OTUD1: variants seen among roughly 807,000 people sequenced by gnomAD.
OTUD1 encodes the protein OTU domain-containing protein 1.
OTUD1 carries 15 observed loss-of-function variants against 30.0 expected under a neutral mutation model. That is an observed-to-expected ratio of 0.50 (90% CI 0.33 to 0.77). The LOEUF is 0.77. Ranked by LOEUF, OTUD1 falls within the 30% of genes least tolerant of loss-of-function variation. The probability of loss-of-function intolerance (pLI) is 0.02; values close to 1 mark genes in which losing one functional copy is unlikely to be tolerated. For synonymous variants in OTUD1, 381 were observed against 326.3 expected (o/e 1.17, Z -1.81); for missense variants, 796 against 697.8 (o/e 1.14, Z -1.59).
In OTUD1 at chr10:23,440,842, T is replaced by G. The variant is rs1367742950; in HGVS notation, c.1385T>G (p.Leu462Arg). 1.3e-6 allele frequency: 2 copies of G among 1,551,930 alleles called. No homozygotes were observed. The highest frequency in any genetic ancestry group is 1.2e-5 in the South Asian group (1 of 84,074). The change falls in exon 1 of 1, where the codon CTT becomes CGT. Residue 462 changes from leucine to arginine, a missense_variant. Physicochemically the swap from Leu to Arg is moderately radical, Grantham distance 102. Transcript: ENST00000376495. ...TQVQRKRDEE[L>R]AKSMAISLSK... ...GTGCAAAGGAAACGCGACGAAGAAC[T>G]TGCCAAATCTATGGCCATATCCTTG...
rs2132481442 is a variant in OTUD1 at position 23,441,533 on chromosome 10, C to T, written c.*630C>T. 1 of 165,928 alleles carries T rather than the reference C, an allele frequency of 6.0e-6. No individual in the cohort carries two copies. The highest frequency in any genetic ancestry group is 2.4e-5 in the African/African-American group (1 of 41,294). 10.3% of individuals were successfully genotyped at this position (165,928 alleles called of 1,614,324 possible). ...ATGGCGAATCTTTTAAAGAAAATTA[C>T]TTAATGGAAGGTTGTGGGAAGGTGT... is the stretch of plus-strand genomic sequence containing the variant. On this transcript the variant is annotated 3_prime_UTR_variant, in exon 1 of 1. Transcript: ENST00000376495.
Position 23,440,232 on chromosome 10 carries a change from G to T in OTUD1, c.775G>T (p.Ala259Ser), listed in dbSNP as rs1847112771. The T allele has an allele frequency of 6.5e-7, 1 of 1,537,162 alleles. No individual in the cohort carries two copies. The highest frequency in any genetic ancestry group is 8.8e-7 in the Non-Finnish European group (1 of 1,137,978). ...CGCGGCGCGGAGGCCCGACCCAGAG[G>T]CCGAGGCACCCCCCGCCGGGAGCAT... ...GDAARRPDPE[A>S]EAPPAGSIEA... is the part of the protein sequence containing the mutation. The change falls in exon 1 of 1, where the codon GCC becomes TCC. Residue 259 changes from alanine to serine, a missense_variant. Coordinates refer to ENST00000376495, the MANE Select transcript of OTUD1 (RefSeq NM_001145373.3).
Position 23,439,901 on chromosome 10 carries a change from G to C in OTUD1, c.444G>C (p.Leu148=), listed in dbSNP as rs117004549. 8.6e-3 allele frequency: 10,260 copies of C among 1,198,450 alleles called. 1,271 individuals are homozygous for C. The East Asian group carries it at 0.29, about 33-fold the overall frequency. The allele number at this position is 1,198,450 out of a possible 1,614,324, so 74.2% of individuals were successfully genotyped here. The part of the protein sequence containing the change: ...SAAAPRGRCL[L]LAPAPAAPVP... ...CTGCCCCGCGCGGCCGCTGCCTCCT[G>C]CTCGCCCCGGCGCCCGCAGCCCCGG... The change falls in exon 1 of 1, where the codon CTG becomes CTC. Residue 148 remains leucine, a synonymous_variant. Coordinates refer to ENST00000376495, the MANE Select transcript of OTUD1 (RefSeq NM_001145373.3).
chr10:23,439,607 C>G lies in OTUD1; in HGVS notation c.150C>G (p.Thr50=). The G allele has an allele frequency of 1.5e-6, 2 of 1,359,620 alleles. No individual in the cohort carries two copies. Among genetic ancestry groups the G allele is most frequent in the Non-Finnish European group, 1.9e-6 (2 of 1,051,226 alleles). 84.2% of individuals were successfully genotyped at this position (1,359,620 alleles called of 1,614,324 possible). A position where few individuals can be genotyped will look rare whatever the true frequency, so the allele number is the denominator to read the frequency against. ...GAAGAAPEPE[T]GECQPAAAAE... ...CCGGCGCCGCGCCCGAGCCCGAGAC[C>G]GGTGAGTGCCAGCCCGCCGCGGCCG... Residue 50 remains threonine, a synonymous_variant, in exon 1 of 1, where the codon ACC becomes ACG. Coordinates refer to ENST00000376495, the MANE Select transcript of OTUD1 (RefSeq NM_001145373.3).
In OTUD1 at chr10:23,440,234, C is replaced by G; in HGVS notation, c.777C>G (p.Ala259=). ...GDAARRPDPE[A]EAPPAGSIEA... ...CGGCGCGGAGGCCCGACCCAGAGGCCGAGGCACCCCCCGCCGGGAGCATCG... is the reference window on the plus strand; with the variant it reads ...CGGCGCGGAGGCCCGACCCAGAGGCGGAGGCACCCCCCGCCGGGAGCATCG... The change falls in exon 1 of 1, where the codon GCC becomes GCG. Residue 259 remains alanine, a synonymous_variant. Transcript: ENST00000376495. 2.6e-6 allele frequency: 4 copies of G among 1,537,608 alleles called. No homozygotes were observed. Among genetic ancestry groups the G allele is most frequent in the Admixed American group, 2.0e-5 (1 of 50,342 alleles).
Position 23,440,030 on chromosome 10 carries a change from G to T in OTUD1, c.573G>T (p.Arg191=). Residue 191 remains arginine (R), a synonymous_variant, in exon 1 of 1, where the codon CGG becomes CGT. Coordinates refer to ENST00000376495, the MANE Select transcript of OTUD1 (RefSeq NM_001145373.3). ...ACGCGACACGGGAGGGGCCCGATCG[G>T]AACTTCCGACTGAGCGAGCACCGCC... The part of the protein sequence containing the change: ...GLDATREGPD[R]NFRLSEHRQA... The T allele has an allele frequency of 3.5e-6, 5 of 1,448,320 alleles. No individual in the cohort carries two copies. Among genetic ancestry groups the T allele is most frequent in the Non-Finnish European group, 4.5e-6 (5 of 1,106,166 alleles). The allele number at this position is 1,448,320 out of a possible 1,614,324, so 89.7% of individuals were successfully genotyped here. A position where few individuals can be genotyped will look rare whatever the true frequency, so the allele number is the denominator to read the frequency against.
Position 23,440,138 on chromosome 10 carries a change from G to A in OTUD1, c.681G>A (p.Glu227=). ...CCGGCCCCGGTCCGTGGGGCGAAGA[G>A]CACTTGGCGGAGAGGGGCCCCAGGG... ...PDPGPGPWGE[E]HLAERGPRGW... The change falls in exon 1 of 1, where the codon GAG becomes GAA. Residue 227 remains glutamate, a synonymous_variant. Transcript: ENST00000376495. 7.0e-7 allele frequency: 1 copy of A among 1,437,898 alleles called. No homozygotes were observed. The highest frequency in any genetic ancestry group is 9.1e-7 in the Non-Finnish European group (1 of 1,103,186). The allele number at this position is 1,437,898 out of a possible 1,614,324, so 89.1% of individuals were successfully genotyped here.
chr10:23,440,331 C>A lies in OTUD1; in HGVS notation c.874C>A (p.Leu292Ile). 1 of 1,551,332 alleles carries A rather than the reference C, an allele frequency of 6.4e-7. No individual in the cohort carries two copies. The highest frequency in any genetic ancestry group is 8.7e-7 in the Non-Finnish European group (1 of 1,146,928). Residue 292 changes from leucine (L) to isoleucine (I), a missense_variant, in exon 1 of 1, where the codon CTA becomes ATA. Leu to Ile is a conservative substitution (Grantham distance 5). Coordinates refer to ENST00000376495, the MANE Select transcript of OTUD1 (RefSeq NM_001145373.3). ...RSDPRDEKLA[L>I]YLAEVEKQDK... ...GGATCCCAGAGACGAGAAGCTGGCC[C>A]TATACCTGGCCGAGGTGGAGAAGCA...
rs1489497055 is a variant in OTUD1, at chr10:23,439,738, G to A, written c.281G>A (p.Gly94Asp). 3.4e-6 allele frequency: 4 copies of A among 1,168,412 alleles called. No individual in the cohort carries two copies. The highest frequency in any genetic ancestry group is 3.3e-5 in the South Asian group (1 of 30,134). 72.4% of individuals were successfully genotyped at this position (1,168,412 alleles called of 1,614,324 possible). Residue 94 changes from glycine (G) to aspartate (D), a missense_variant, in exon 1 of 1, where the codon GGC (glycine) becomes GAC (aspartate). Gly to Asp is a moderately conservative substitution (Grantham distance 94, BLOSUM62 -1). Coordinates refer to ENST00000376495, the MANE Select transcript of OTUD1 (RefSeq NM_001145373.3). ...GAAAPASAAA[G>D]PPGASCKPPL... is the part of the protein sequence containing the mutation. ...GCCGCGCCCGCCTCCGCCGCCGCCGGCCCGCCCGGCGCGTCCTGCAAGCCG... is the reference window on the plus strand; with the variant it reads ...GCCGCGCCCGCCTCCGCCGCCGCCGACCCGCCCGGCGCGTCCTGCAAGCCG...
In OTUD1 at chr10:23,440,256, A is replaced by G; in HGVS notation, c.799A>G (p.Ile267Val). 1 of 1,544,480 alleles carries G rather than the reference A, an allele frequency of 6.5e-7. No individual in the cohort carries two copies. The highest frequency in any genetic ancestry group is 8.8e-7 in the Non-Finnish European group (1 of 1,142,380). Residue 267 changes from isoleucine (I) to valine (V), a missense_variant, in exon 1 of 1, where the codon ATC becomes GTC. Physicochemically the swap from Ile to Val is conservative, Grantham distance 29. Coordinates refer to ENST00000376495, the MANE Select transcript of OTUD1 (RefSeq NM_001145373.3). ...PEAEAPPAGS[I>V]EAAPSSAAEP... ...GGCCGAGGCACCCCCCGCCGGGAGC[A>G]TCGAGGCCGCCCCGAGTAGTGCGGC... is the stretch of plus-strand genomic sequence containing the variant.
rs1847097877 is a variant in OTUD1 at position 23,439,226 on chromosome 10, C to A, written c.-232C>A. ...GCGGGCCGAGCGCACCGGCAGGGGTCGAGCTCGCGTCCCGTCCCCGCCCCC... is the reference window on the plus strand; with the variant it reads ...GCGGGCCGAGCGCACCGGCAGGGGTAGAGCTCGCGTCCCGTCCCCGCCCCC... On this transcript the variant is annotated 5_prime_UTR_variant, in exon 1 of 1. Coordinates refer to ENST00000376495, the MANE Select transcript of OTUD1 (RefSeq NM_001145373.3). Among the ~76,000 whole-genome samples the A allele has an allele frequency of 6.6e-6, 1 of 151,050 alleles. No individual in the cohort carries two copies. The highest frequency in any genetic ancestry group is 6.6e-5 in the Admixed American group (1 of 15,208).
Position 23,439,640 on chromosome 10 carries a change from C to G in OTUD1, c.183C>G (p.His61Gln). The G allele has an allele frequency of 7.7e-7, 1 of 1,300,082 alleles. No homozygotes were observed. The allele number at this position is 1,300,082 out of a possible 1,614,324, so 80.5% of individuals were successfully genotyped here. ...GCCAGCCCGCCGCGGCCGCCGAGCA[C>G]CGGGAAGCCGCCGCTGTCCCCGCCG... Reference protein sequence around the residue: ...GECQPAAAAEHREAAAVPAAK... With the variant: ...GECQPAAAAEQREAAAVPAAK... Residue 61 changes from histidine to glutamine, a missense_variant, in exon 1 of 1, where the codon CAC becomes CAG. His to Gln is a conservative substitution (Grantham distance 24, BLOSUM62 0). Coordinates refer to ENST00000376495, the MANE Select transcript of OTUD1 (RefSeq NM_001145373.3).
In OTUD1 at chr10:23,439,411, C is replaced by T. The variant is rs1180857774; in HGVS notation, c.-47C>T. The stretch of plus-strand genomic sequence containing the variant: ...CCGGGCCCGGAGGGTGTGTCCCCCG[C>T]TCCGGGGCTCGCCGCGCCTATAAGG... On this transcript the variant is annotated 5_prime_UTR_variant, in exon 1 of 1. Transcript: ENST00000376495. 2 of 1,238,634 alleles carry T rather than the reference C, an allele frequency of 1.6e-6. No individual in the cohort carries two copies. The highest frequency in any genetic ancestry group is 3.4e-5 in the East Asian group (1 of 29,570). 76.7% of individuals were successfully genotyped at this position (1,238,634 alleles called of 1,614,324 possible). A position where few individuals can be genotyped will look rare whatever the true frequency, so the allele number is the denominator to read the frequency against.
In OTUD1 at chr10:23,441,943, G is replaced by A. The variant is rs971884166; in HGVS notation, c.*1040G>A. The stretch of plus-strand genomic sequence containing the variant: ...CAAAATAGGATTGCCCTGTATTGAT[G>A]TAGAAATGTCTGTAAACAGAGCTTG... On this transcript the variant is annotated 3_prime_UTR_variant, in exon 1 of 1. Transcript: ENST00000376495. 1 of 167,056 alleles carries A rather than the reference G, an allele frequency of 6.0e-6. No homozygotes were observed. Among genetic ancestry groups the A allele is most frequent in the South Asian group, 2.1e-4 (1 of 4,834 alleles). 10.3% of individuals were successfully genotyped at this position (167,056 alleles called of 1,614,324 possible).
In OTUD1 at chr10:23,441,565, G is replaced by A. The variant is rs1485360603; in HGVS notation, c.*662G>A. The A allele has an allele frequency of 6.1e-6, 1 of 162,898 alleles. No homozygotes were observed. The highest frequency in any genetic ancestry group is 1.5e-5 in the Non-Finnish European group (1 of 67,886). The allele number at this position is 162,898 out of a possible 1,614,324, so 10.1% of individuals were successfully genotyped here. A position where few individuals can be genotyped will look rare whatever the true frequency, so the allele number is the denominator to read the frequency against. On this transcript the variant is annotated 3_prime_UTR_variant, in exon 1 of 1. Transcript: ENST00000376495. Reference sequence around the variant, plus strand: ...GAAGGTTGTGGGAAGGTGTTTTTTTGTGTTTTTTTTTTGGTTTTTGTTTTG... The same window carrying A: ...GAAGGTTGTGGGAAGGTGTTTTTTTATGTTTTTTTTTTGGTTTTTGTTTTG...
Position 23,441,043 on chromosome 10 carries a change from T to C in OTUD1, c.*140T>C. 3 of 945,434 alleles carry C rather than the reference T, an allele frequency of 3.2e-6. No individual in the cohort carries two copies. The highest frequency in any genetic ancestry group is 1.8e-5 in the South Asian group (1 of 55,238). The allele number at this position is 945,434 out of a possible 1,614,324, so 58.6% of individuals were successfully genotyped here. A position where few individuals can be genotyped will look rare whatever the true frequency, so the allele number is the denominator to read the frequency against. Reference sequence around the variant, plus strand: ...GTAGGTGTAATGCCTTAATCATCTTTTTGAATGTTTTCTCAGAGCTGGAGG... The same window carrying C: ...GTAGGTGTAATGCCTTAATCATCTTCTTGAATGTTTTCTCAGAGCTGGAGG... On this transcript the variant is annotated 3_prime_UTR_variant, in exon 1 of 1. Transcript: ENST00000376495.
In OTUD1 at chr10:23,439,867, G is replaced by A. The variant is rs774765142; in HGVS notation, c.410G>A (p.Gly137Asp). The change falls in exon 1 of 1, where the codon GGC becomes GAC. Residue 137 changes from glycine (G) to aspartate (D), a missense_variant. Transcript: ENST00000376495. ...CCCGATCCCGTTCCCGGCGCCGCGG[G>A]CTCCGCCGCTGCCCCGCGCGGCCGC... Reference protein sequence around the residue: ...HGPDPVPGAAGSAAAPRGRCL... With the variant: ...HGPDPVPGAADSAAAPRGRCL... The A allele has an allele frequency of 2.3e-4, 257 of 1,133,548 alleles. No homozygotes were observed. Among genetic ancestry groups the A allele is most frequent in the Non-Finnish European group, 2.6e-4 (244 of 927,254 alleles). The allele number at this position is 1,133,548 out of a possible 1,614,324, so 70.2% of individuals were successfully genotyped here.
Position 23,440,783 on chromosome 10 carries a change from C to A in OTUD1, c.1326C>A (p.Asn442Lys). 2 of 1,552,206 alleles carry A rather than the reference C, an allele frequency of 1.3e-6. No homozygotes were observed. The highest frequency in any genetic ancestry group is 1.7e-6 in the Non-Finnish European group (2 of 1,147,106). ...YDAVFDHSYP[N>K]PEYDNWCKQT... is the part of the protein sequence containing the mutation. ...CTGTATTTGATCACTCCTATCCTAA[C>A]CCAGAGTACGACAACTGGTGCAAAC... Residue 442 changes from asparagine to lysine, a missense_variant, in exon 1 of 1, where the codon AAC becomes AAA. Asn to Lys is a moderately conservative substitution (Grantham distance 94). Transcript: ENST00000376495.
chr10:23,439,880 C>T lies in OTUD1; in HGVS notation c.423C>T (p.Ala141=). ...CCGGCGCCGCGGGCTCCGCCGCTGCCCCGCGCGGCCGCTGCCTCCTGCTCG... is the reference window on the plus strand; with the variant it reads ...CCGGCGCCGCGGGCTCCGCCGCTGCTCCGCGCGGCCGCTGCCTCCTGCTCG... ...PVPGAAGSAA[A]PRGRCLLLAP... is the part of the protein sequence containing the mutation. Residue 141 remains alanine, a synonymous_variant, in exon 1 of 1, where the codon GCC becomes GCT. Transcript: ENST00000376495. The T allele has an allele frequency of 1.7e-6, 2 of 1,160,902 alleles. No homozygotes were observed. The highest frequency in any genetic ancestry group is 3.3e-5 in the African/African-American group (2 of 61,114). 71.9% of individuals were successfully genotyped at this position (1,160,902 alleles called of 1,614,324 possible).
Sources: gnomAD v4.1 joint callset for allele counts (sites outside exome capture counted in the v4.1 genomes callset) on GRCh38, gnomAD v4.1.1 for gene constraint, MANE v1.5 for transcripts, NCBI Gene and HGNC (gene_info 2026-07-23, HGNC 2026-07-21) for gene names.